The following DCC variants were observed in gnomAD, a reference collection of about 807,000 sequenced individuals.
DCC encodes DCC netrin 1 receptor.
DCC carries 58 observed loss-of-function variants against 172.5 expected under a neutral mutation model. The observed-to-expected ratio is 0.34, with a 90% CI of 0.27 to 0.42. The LOEUF (loss-of-function observed/expected upper bound fraction) is 0.42, where lower values mean the gene tolerates loss of function less well. Among genes scored for constraint, DCC ranks in the 10% least tolerant of loss-of-function variants. The pLI is 1.00. For synonymous variants in DCC, 709 were observed against 644.5 expected (o/e 1.10, Z -1.52); for missense variants, 1,740 against 1,791.0 (o/e 0.97, Z 0.51).
Position 53,060,348 on chromosome 18 carries a change from A to C in DCC, c.986-2957A>C, listed in dbSNP as rs946414913. Among the ~76,000 whole-genome samples the C allele has an allele frequency of 4.6e-5, 7 of 152,054 alleles. No homozygotes were observed. The East Asian group carries it at 1.4e-3, about 29-fold the overall frequency. On this transcript the variant is annotated intron_variant, in intron 5 of 28. Coordinates refer to ENST00000442544, the MANE Select transcript of DCC (RefSeq NM_005215.4). ...AGACTTAGACTCATTTCTGATTCACAATATTGCTGTTTGGTACTTCAACTC... is the reference window on the plus strand; with the variant it reads ...AGACTTAGACTCATTTCTGATTCACCATATTGCTGTTTGGTACTTCAACTC...
chr18:53,177,173 C>G, intron 8 of DCC, among the ~76,000 whole-genome samples: 2 of 140,416 alleles, frequency 1.4e-5, no homozygotes, highest in South Asian at 2.5e-4. Context: ...ACTCTGGGGA[C>G]TGTTGTGGGG....
intron 7 of DCC, among the ~76,000 whole-genome samples, chr18:53,122,335 T>C (rs1225754217): frequency 5.3e-5 from 8 of 152,032 alleles, no homozygotes; most frequent in Admixed American, 5.3e-4. Context: ...GCTTTTCTTT[T>C]CTTATGGAAT....
intron 7 of DCC, among the ~76,000 whole-genome samples, chr18:53,148,331 G>T: frequency 6.6e-6 from 1 of 152,188 alleles, no homozygotes; most frequent in East Asian, 1.9e-4. Flanking sequence ...GGTGGGAGGG[G>T]AGCTGTCACA....
At chr18:53,351,098 T>C (rs964464674) in intron 15 of DCC, among the ~76,000 whole-genome samples, 1 of 150,714 alleles carries the variant, frequency 6.6e-6, no homozygotes, top group Non-Finnish European at 1.5e-5. Context: ...AGCCACAGGG[T>C]GATTCATTAA....
At chr18:53,373,122 T>A (rs1265904778) in intron 15 of DCC, among the ~76,000 whole-genome samples, 3 of 152,130 alleles carry the variant, frequency 2.0e-5, no homozygotes, top group Non-Finnish European at 4.4e-5. Flanking sequence ...AAAAACTAGG[T>A]CAATTTAAAG....
intron 2 of DCC, among the ~76,000 whole-genome samples, chr18:52,792,197 C>T (rs1460338892): frequency 2.0e-5 from 3 of 151,420 alleles, no homozygotes; most frequent in Non-Finnish European, 4.4e-5. Flanking sequence ...GTGGGGGGTG[C>T]GAGGGTGGGG....
At chr18:52,720,447 C>A (rs1326290565) in intron 1 of DCC, among the ~76,000 whole-genome samples, 1 of 152,134 alleles carries the variant, frequency 6.6e-6, no homozygotes, top group African/African-American at 2.4e-5. Flanking sequence ...TAGTTAAGAT[C>A]CGGAAGTGCT....
intron 12 of DCC, among the ~76,000 whole-genome samples, chr18:53,284,308 A>T (rs1205315243): frequency 6.6e-6 from 1 of 152,120 alleles, no homozygotes; most frequent in African/African-American, 2.4e-5. Context: ...TCCAAATCTC[A>T]TCTTGAATTG....
At chr18:53,331,475 A>G (rs1034446563) in intron 14 of DCC, among the ~76,000 whole-genome samples, 34 of 152,204 alleles carry the variant, frequency 2.2e-4, no homozygotes, top group Admixed American at 2.2e-3. Context: ...TGAAGCTGGT[A>G]TCCTTAAACT....
intron 1 of DCC, among the ~76,000 whole-genome samples, chr18:52,579,141 A>C (rs187533995): frequency 6.6e-6 from 1 of 152,340 alleles, no homozygotes; most frequent in Admixed American, 6.5e-5. Context: ...ACATCCTTAA[A>C]ATAAGAATAA....
At chr18:53,451,710 GCTCTCT>G (rs371232356) in intron 23 of DCC, among the ~76,000 whole-genome samples, 55 of 147,436 alleles carry the variant, frequency 3.7e-4, no homozygotes, top group Admixed American at 7.4e-4. Flanking sequence ...GCTCGCTCTT[GCTCTCT>G]CTCTCTCTCT....
intron 5 of DCC, among the ~76,000 whole-genome samples, chr18:52,958,726 A>G (rs1370677767): frequency 6.6e-6 from 1 of 152,106 alleles, no homozygotes; most frequent in Non-Finnish European, 1.5e-5. Context: ...GTGACAGATG[A>G]GGAGGTGATA....
At position 53,235,940 on chromosome 18, in the gene DCC, T is replaced by C. The variant is rs186780145; in HGVS notation, c.1911+20343T>C. Among the ~76,000 whole-genome samples the C allele has an allele frequency of 1.1e-4, 17 of 152,244 alleles. No individual in the cohort carries two copies. The East Asian group carries it at 3.1e-3, about 28-fold the overall frequency. On this transcript the variant is annotated intron_variant, in intron 12 of 28. Transcript: ENST00000442544. ...GATCCATGCATGGTATTTAATATTA[T>C]GGTAAATTTTTTGTTAAGTATAATT...
intron 1 of DCC, among the ~76,000 whole-genome samples, chr18:52,738,346 T>C (rs1384855442): frequency 6.6e-6 from 1 of 152,156 alleles, no homozygotes; most frequent in Non-Finnish European, 1.5e-5. Context: ...ACACCTAAGC[T>C]GCATGGTGTA....
At chr18:52,932,052 G>A (rs1476485406) in intron 5 of DCC, 1 of 152,118 alleles carries the variant, frequency 6.6e-6, no homozygotes, top group African/African-American at 2.4e-5. Flanking sequence ...AAGAGGCAGG[G>A]GTGGGAGGAG....
intron 5 of DCC, among the ~76,000 whole-genome samples, chr18:53,029,917 T>G (rs1240213043): frequency 1.3e-5 from 2 of 152,188 alleles, no homozygotes; most frequent in East Asian, 1.9e-4. Context: ...GAGGTATTTG[T>G]TGAAGTTGGG....
At chr18:53,291,101 G>A (rs978016226) in intron 12 of DCC, among the ~76,000 whole-genome samples, 4 of 152,142 alleles carry the variant, frequency 2.6e-5, no homozygotes, top group South Asian at 2.1e-4. Flanking sequence ...CCAGGAGGCG[G>A]ACGTTGCAGT....
At chr18:53,473,069 C>T (rs60846930) in intron 25 of DCC, among the ~76,000 whole-genome samples, 3,767 of 152,220 alleles carry the variant, frequency 0.025, 141 homozygotes, top group African/African-American at 0.086. Flanking sequence ...TATGTATCCT[C>T]CAAAGACCAG....
intron 1 of DCC, among the ~76,000 whole-genome samples, chr18:52,545,651 G>A (rs1415158297): frequency 1.3e-5 from 2 of 152,096 alleles, no homozygotes; most frequent in Non-Finnish European, 2.9e-5. Flanking sequence ...GATTATCATA[G>A]GTTATTGTAA....
Sources: gnomAD v4.1 joint callset for allele counts (sites outside exome capture counted in the v4.1 genomes callset) on GRCh38, gnomAD v4.1.1 for gene constraint, MANE v1.5 for transcripts, NCBI Gene and HGNC (gene_info 2026-07-23, HGNC 2026-07-21) for gene names.